The following NRARP variants were observed in gnomAD, a reference collection of about 807,000 sequenced individuals.
NRARP encodes the protein NOTCH regulated ankyrin repeat protein.
For synonymous variants in NRARP, 81 were observed against 77.4 expected, an observed-to-expected ratio of 1.05 and a Z score of -0.25; for missense variants, 83 against 161.1, an observed-to-expected ratio of 0.52 and a Z score of 2.62.
At position 137,300,855 on chromosome 9, in the gene NRARP, AG is replaced by A. The variant is rs1045930413; in HGVS notation, c.*728del. On this transcript the variant is annotated 3_prime_UTR_variant, in exon 1 of 1. Transcript: ENST00000356628. ...GGAGGGACAGCACGGGAACACCATC[AG>A]GCTGGGCGGTATTTTCAGTGCAACC... The A allele has an allele frequency of 1.3e-4, 20 of 152,408 alleles. No homozygotes were observed. The highest frequency in any genetic ancestry group is 3.4e-4 in the African/African-American group (14 of 41,446). The allele number at this position is 152,408 out of a possible 1,614,324, so 9.4% of individuals were successfully genotyped here.
rs1446396292 is a variant in NRARP at position 137,301,485 on chromosome 9, G to C, written c.*99C>G. On this transcript the variant is annotated 3_prime_UTR_variant, in exon 1 of 1. Coordinates refer to ENST00000356628, the MANE Select transcript of NRARP (RefSeq NM_001004354.3). This position sits in a 1 kb window ranked among gnomAD's most constrained non-coding sequence, Gnocchi z 9.1. ...TATTCGCCGTGGCCACGGGCCTTCTGGCGGGGCCTGCGAGCCGGGCGCGCA... is the reference window on the plus strand; with the variant it reads ...TATTCGCCGTGGCCACGGGCCTTCTCGCGGGGCCTGCGAGCCGGGCGCGCA... 7.5e-6 allele frequency: 6 copies of C among 804,392 alleles called. No homozygotes were observed. Among genetic ancestry groups the C allele is most frequent in the East Asian group, 3.3e-5 (1 of 30,016 alleles). The allele number at this position is 804,392 out of a possible 1,614,324, so 49.8% of individuals were successfully genotyped here.
rs1394801095 is a variant in NRARP, at chr9:137,301,521, TGGC to T, written c.*60_*62del. 1 of 1,156,496 alleles carries T rather than the reference TGGC, an allele frequency of 8.6e-7. No homozygotes were observed. The highest frequency in any genetic ancestry group is 3.0e-5 in the Admixed American group (1 of 33,288). 71.6% of individuals were successfully genotyped at this position (1,156,496 alleles called of 1,614,324 possible). A position where few individuals can be genotyped will look rare whatever the true frequency, so the allele number is the denominator to read the frequency against. On this transcript the variant is annotated 3_prime_UTR_variant, in exon 1 of 1. Coordinates refer to ENST00000356628, the MANE Select transcript of NRARP (RefSeq NM_001004354.3). This position sits in a 1 kb window ranked among gnomAD's most constrained non-coding sequence, Gnocchi z 9.1. Reference sequence around the variant, plus strand: ...CGAGCCGGGCGCGCACCGAGGTAGTTGGCGGGAAGGTACAGCAGAGACGACGCG... The same window carrying T: ...CGAGCCGGGCGCGCACCGAGGTAGTTGGGAAGGTACAGCAGAGACGACGCG...
chr9:137,302,016 CCTCGGCGCATGGAGGGCGCGG>C lies in NRARP; in HGVS notation c.-109_-89del, dbSNP rs1321061471. The stretch of plus-strand genomic sequence containing the variant: ...GGGCCCCCGGCTGTCTCGGGGCGCG[CCTCGGCGCATGGAGGGCGCGG>C]CGTCCCCGGGCCCCGCACGCCGCCT... On this transcript the variant is annotated 5_prime_UTR_variant, in exon 1 of 1. It removes an upstream start codon present in the reference 5' UTR. Transcript: ENST00000356628. This position sits in a 1 kb window ranked among gnomAD's most constrained non-coding sequence, Gnocchi z 4.8. The C allele has an allele frequency of 2.0e-6, 1 of 503,702 alleles. No individual in the cohort carries two copies. Among genetic ancestry groups the C allele is most frequent in the East Asian group, 1.5e-4 (1 of 6,564 alleles). 31.2% of individuals were successfully genotyped at this position (503,702 alleles called of 1,614,324 possible).
At position 137,301,656 on chromosome 9, in the gene NRARP, G is replaced by A; in HGVS notation, c.273C>T (p.Ala91=). The A allele has an allele frequency of 6.2e-7, 1 of 1,610,954 alleles. No homozygotes were observed. The highest frequency in any genetic ancestry group is 8.5e-7 in the Non-Finnish European group (1 of 1,179,016). ...CGATGTCCTGGTGGCCACCGAACGCGGCGATGTGCAGCGCGCTCCAGCCGT... is the reference window on the plus strand; with the variant it reads ...CGATGTCCTGGTGGCCACCGAACGCAGCGATGTGCAGCGCGCTCCAGCCGT... ...NRDGWSALHI[A]AFGGHQDIVL... Residue 91 remains alanine, a synonymous_variant, in exon 1 of 1, where the codon GCC becomes GCT. Coordinates refer to ENST00000356628, the MANE Select transcript of NRARP (RefSeq NM_001004354.3). The surrounding 1 kb of genome is among the most constrained non-coding windows in gnomAD (Gnocchi z 9.1).
Position 137,301,246 on chromosome 9 carries a change from G to A in NRARP, c.*338C>T, listed in dbSNP as rs1830951166. The stretch of plus-strand genomic sequence containing the variant: ...TCGGGAGAAAACATTTTGCGCAGAG[G>A]ATCCGGTATCTCGGGATTCCGAACT... On this transcript the variant is annotated 3_prime_UTR_variant, in exon 1 of 1. Coordinates refer to ENST00000356628, the MANE Select transcript of NRARP (RefSeq NM_001004354.3). This position sits in a 1 kb window ranked among gnomAD's most constrained non-coding sequence, Gnocchi z 9.1. 6.6e-6 allele frequency: 1 copy of A among 152,276 alleles called. No homozygotes were observed. Among genetic ancestry groups the A allele is most frequent in the Non-Finnish European group, 1.5e-5 (1 of 68,116 alleles). The allele number at this position is 152,276 out of a possible 1,614,324, so 9.4% of individuals were successfully genotyped here. A position where few individuals can be genotyped will look rare whatever the true frequency, so the allele number is the denominator to read the frequency against.
chr9:137,301,930 C>G lies in NRARP; in HGVS notation c.-2G>C, dbSNP rs1830959333. The G allele has an allele frequency of 7.4e-7, 1 of 1,360,204 alleles. No homozygotes were observed. The highest frequency in any genetic ancestry group is 1.5e-5 in the African/African-American group (1 of 66,812). The allele number at this position is 1,360,204 out of a possible 1,614,324, so 84.3% of individuals were successfully genotyped here. Reference sequence around the variant, plus strand: ...GGTGGACAGCTCGGCCTGGCTCATGCTGCCGCCGGGCGCGGGCCGCGGGCC... The same window carrying G: ...GGTGGACAGCTCGGCCTGGCTCATGGTGCCGCCGGGCGCGGGCCGCGGGCC... On this transcript the variant is annotated 5_prime_UTR_variant, in exon 1 of 1. Coordinates refer to ENST00000356628, the MANE Select transcript of NRARP (RefSeq NM_001004354.3). The surrounding 1 kb of genome is among the most constrained non-coding windows in gnomAD (Gnocchi z 9.1).
At position 137,302,142 on chromosome 9, in the gene NRARP, G is replaced by C. The variant is rs1380310942; in HGVS notation, c.-214C>G. The C allele has an allele frequency of 2.8e-5, 4 of 145,374 alleles. No individual in the cohort carries two copies. In the East Asian group the frequency reaches 8.1e-4, roughly 29 times the overall value. 9.0% of individuals were successfully genotyped at this position (145,374 alleles called of 1,614,324 possible). On this transcript the variant is annotated 5_prime_UTR_variant, in exon 1 of 1. Transcript: ENST00000356628. The surrounding 1 kb of genome is among the most constrained non-coding windows in gnomAD (Gnocchi z 4.8). ...ATCCAGCCGCGCCCGGGTGGGCGAC[G>C]GGGGCGCGCGCTCGGCTCGCGGGGG...
In NRARP at chr9:137,301,344, A is replaced by C; in HGVS notation, c.*240T>G. The C allele has an allele frequency of 1.1e-5, 2 of 177,706 alleles. No homozygotes were observed. The allele number at this position is 177,706 out of a possible 1,614,324, so 11.0% of individuals were successfully genotyped here. On this transcript the variant is annotated 3_prime_UTR_variant, in exon 1 of 1. Coordinates refer to ENST00000356628, the MANE Select transcript of NRARP (RefSeq NM_001004354.3). The surrounding 1 kb of genome is among the most constrained non-coding windows in gnomAD (Gnocchi z 9.1). ...CGCCCCCACCCGCGAGGCGGCGGGC[A>C]GGCGAGCGGGTGGGGGCCGTGGGAA...
rs1222532631 is a variant in NRARP, at chr9:137,301,818, C to T, written c.111G>A (p.Met37Ile). 1 of 1,604,796 alleles carries T rather than the reference C, an allele frequency of 6.2e-7. No homozygotes were observed. The highest frequency in any genetic ancestry group is 8.5e-7 in the Non-Finnish European group (1 of 1,179,398). ...AGTTCACGTTGAACTCGCAGTTGGT[C>T]ATGTTCTGCAGCAGCGACTGCAGCT... is the stretch of plus-strand genomic sequence containing the variant. Reference protein sequence around the residue: ...TQELQSLLQNMTNCEFNVNSF... With the variant: ...TQELQSLLQNITNCEFNVNSF... The change falls in exon 1 of 1, where the codon ATG becomes ATA. Residue 37 changes from methionine (M) to isoleucine (I), a missense_variant. Transcript: ENST00000356628. The surrounding 1 kb of genome is among the most constrained non-coding windows in gnomAD (Gnocchi z 9.1).
At position 137,302,241 on chromosome 9, in the gene NRARP, C is replaced by A. The variant is rs1423021115; in HGVS notation, c.-313G>T. Reference sequence around the variant, plus strand: ...GGTTCGGCTGCGGCTCCCACGCGGTCCCAAGGCGCCTCCCCACGCGCCGCA... The same window carrying A: ...GGTTCGGCTGCGGCTCCCACGCGGTACCAAGGCGCCTCCCCACGCGCCGCA... On this transcript the variant is annotated 5_prime_UTR_variant, in exon 1 of 1. Transcript: ENST00000356628. This position sits in a 1 kb window ranked among gnomAD's most constrained non-coding sequence, Gnocchi z 4.8. 4 of 146,504 alleles carry A rather than the reference C, an allele frequency of 2.7e-5. No individual in the cohort carries two copies. The highest frequency in any genetic ancestry group is 4.6e-5 in the Non-Finnish European group (3 of 65,866). 9.1% of individuals were successfully genotyped at this position (146,504 alleles called of 1,614,324 possible).
Position 137,300,051 on chromosome 9 carries a change from C to T in NRARP, c.*1533G>A, listed in dbSNP as rs1830932665. 6.6e-6 allele frequency among the ~76,000 whole-genome samples: 1 copy of T among 152,202 alleles called. No individual in the cohort carries two copies. The highest frequency in any genetic ancestry group is 2.4e-5 in the African/African-American group (1 of 41,450). The stretch of plus-strand genomic sequence containing the variant: ...TCCCCATTTCTGCACGAAGGGTCAG[C>T]AGCACTTCCATGAAGGGGAAACCTC... On this transcript the variant is annotated 3_prime_UTR_variant, in exon 1 of 1. Coordinates refer to ENST00000356628, the MANE Select transcript of NRARP (RefSeq NM_001004354.3).
In NRARP at chr9:137,301,476, G is replaced by C; in HGVS notation, c.*108C>G. 1 of 721,510 alleles carries C rather than the reference G, an allele frequency of 1.4e-6. No homozygotes were observed. The highest frequency in any genetic ancestry group is 2.1e-6 in the Non-Finnish European group (1 of 478,746). 44.7% of individuals were successfully genotyped at this position (721,510 alleles called of 1,614,324 possible). A position where few individuals can be genotyped will look rare whatever the true frequency, so the allele number is the denominator to read the frequency against. On this transcript the variant is annotated 3_prime_UTR_variant, in exon 1 of 1. Coordinates refer to ENST00000356628, the MANE Select transcript of NRARP (RefSeq NM_001004354.3). The surrounding 1 kb of genome is among the most constrained non-coding windows in gnomAD (Gnocchi z 9.1). ...CACGCGCCGTATTCGCCGTGGCCAC[G>C]GGCCTTCTGGCGGGGCCTGCGAGCC... is the stretch of plus-strand genomic sequence containing the variant.
rs1830935881 is a variant in NRARP at position 137,300,312 on chromosome 9, A to T, written c.*1272T>A. Among the ~76,000 whole-genome samples the T allele has an allele frequency of 6.6e-6, 1 of 152,074 alleles. No individual in the cohort carries two copies. The highest frequency in any genetic ancestry group is 1.5e-5 in the Non-Finnish European group (1 of 68,030). On this transcript the variant is annotated 3_prime_UTR_variant, in exon 1 of 1. Coordinates refer to ENST00000356628, the MANE Select transcript of NRARP (RefSeq NM_001004354.3). ...TGGGAGGCTAAAAAGGGGCAAAACG[A>T]TCCTTCAATTAACTCAGCCATTAGC...
In NRARP at chr9:137,300,565, A is replaced by T. The variant is rs1020560461; in HGVS notation, c.*1019T>A. The T allele has an allele frequency of 6.6e-6, 1 of 152,358 alleles. No individual in the cohort carries two copies. The highest frequency in any genetic ancestry group is 2.4e-5 in the African/African-American group (1 of 41,426). The allele number at this position is 152,358 out of a possible 1,614,324, so 9.4% of individuals were successfully genotyped here. A position where few individuals can be genotyped will look rare whatever the true frequency, so the allele number is the denominator to read the frequency against. ...TTTACTTTTTTTAAAAAAGTGTGCA[A>T]CCGTTAACTATGATAGAACGCACTA... On this transcript the variant is annotated 3_prime_UTR_variant, in exon 1 of 1. Coordinates refer to ENST00000356628, the MANE Select transcript of NRARP (RefSeq NM_001004354.3).
chr9:137,301,537 C>T lies in NRARP; in HGVS notation c.*47G>A. ...CGAGGTAGTTGGCGGGAAGGTACAG[C>T]AGAGACGACGCGGGCGCAGGGCCGG... is the stretch of plus-strand genomic sequence containing the variant. On this transcript the variant is annotated 3_prime_UTR_variant, in exon 1 of 1. Transcript: ENST00000356628. This position sits in a 1 kb window ranked among gnomAD's most constrained non-coding sequence, Gnocchi z 9.1. 7.3e-7 allele frequency: 1 copy of T among 1,365,684 alleles called. No homozygotes were observed. Among genetic ancestry groups the T allele is most frequent in the Non-Finnish European group, 1.0e-6 (1 of 996,086 alleles). 84.6% of individuals were successfully genotyped at this position (1,365,684 alleles called of 1,614,324 possible).
Position 137,302,064 on chromosome 9 carries a change from T to A in NRARP, c.-136A>T. The A allele has an allele frequency of 5.1e-6, 1 of 196,162 alleles. No individual in the cohort carries two copies. 12.2% of individuals were successfully genotyped at this position (196,162 alleles called of 1,614,324 possible). A position where few individuals can be genotyped will look rare whatever the true frequency, so the allele number is the denominator to read the frequency against. On this transcript the variant is annotated 5_prime_UTR_variant, in exon 1 of 1. The change creates a premature stop within an existing upstream ORF in the 5' untranslated region. Coordinates refer to ENST00000356628, the MANE Select transcript of NRARP (RefSeq NM_001004354.3). This position sits in a 1 kb window ranked among gnomAD's most constrained non-coding sequence, Gnocchi z 4.8. ...GTCCCCGGGCCCCGCACGCCGCCTCTGGGCGCTCCGGGCGCTCGGGGCCGG... is the reference window on the plus strand; with the variant it reads ...GTCCCCGGGCCCCGCACGCCGCCTCAGGGCGCTCCGGGCGCTCGGGGCCGG...
At position 137,302,242 on chromosome 9, in the gene NRARP, C is replaced by T. The variant is rs1371993865; in HGVS notation, c.-314G>A. The T allele has an allele frequency of 6.8e-6, 1 of 146,564 alleles. No individual in the cohort carries two copies. The highest frequency in any genetic ancestry group is 1.5e-5 in the Non-Finnish European group (1 of 65,876). 9.1% of individuals were successfully genotyped at this position (146,564 alleles called of 1,614,324 possible). A position where few individuals can be genotyped will look rare whatever the true frequency, so the allele number is the denominator to read the frequency against. On this transcript the variant is annotated 5_prime_UTR_variant, in exon 1 of 1. Coordinates refer to ENST00000356628, the MANE Select transcript of NRARP (RefSeq NM_001004354.3). The surrounding 1 kb of genome is among the most constrained non-coding windows in gnomAD (Gnocchi z 4.8). Reference sequence around the variant, plus strand: ...GTTCGGCTGCGGCTCCCACGCGGTCCCAAGGCGCCTCCCCACGCGCCGCAG... The same window carrying T: ...GTTCGGCTGCGGCTCCCACGCGGTCTCAAGGCGCCTCCCCACGCGCCGCAG...
In NRARP at chr9:137,301,402, G is replaced by A. The variant is rs1349857483; in HGVS notation, c.*182C>T. ...CGGCCCGGCCGGGCCCGGCTAGGCC[G>A]CAGGGAGGCGCTCGGCCGGCGGGGC... On this transcript the variant is annotated 3_prime_UTR_variant, in exon 1 of 1. Transcript: ENST00000356628. The surrounding 1 kb of genome is among the most constrained non-coding windows in gnomAD (Gnocchi z 9.1). The A allele has an allele frequency of 1.2e-5, 4 of 329,044 alleles. No homozygotes were observed. Among genetic ancestry groups the A allele is most frequent in the Non-Finnish European group, 2.2e-5 (4 of 184,542 alleles). The allele number at this position is 329,044 out of a possible 1,614,324, so 20.4% of individuals were successfully genotyped here.
Position 137,301,423 on chromosome 9 carries a change from G to T in NRARP, c.*161C>A. On this transcript the variant is annotated 3_prime_UTR_variant, in exon 1 of 1. Transcript: ENST00000356628. This position sits in a 1 kb window ranked among gnomAD's most constrained non-coding sequence, Gnocchi z 9.1. ...GGCCGCAGGGAGGCGCTCGGCCGGCGGGGCTGCCGGACCCTGGGGCCGGGA... is the reference window on the plus strand; with the variant it reads ...GGCCGCAGGGAGGCGCTCGGCCGGCTGGGCTGCCGGACCCTGGGGCCGGGA... 7.4e-6 allele frequency: 3 copies of T among 403,494 alleles called. No individual in the cohort carries two copies. The highest frequency in any genetic ancestry group is 9.4e-5 in the Admixed American group (2 of 21,218). 25.0% of individuals were successfully genotyped at this position (403,494 alleles called of 1,614,324 possible). A position where few individuals can be genotyped will look rare whatever the true frequency, so the allele number is the denominator to read the frequency against.
Sources: allele counts gnomAD v4.1 joint callset (sites outside exome capture counted in the v4.1 genomes callset), GRCh38; gene constraint gnomAD v4.1.1; non-coding constraint Gnocchi (gnomAD v3.1); transcripts MANE v1.5; gene names NCBI Gene and HGNC (gene_info 2026-07-23, HGNC 2026-07-21).